Variants in ANKS1B observed in about 807,000 individuals in gnomAD.
ANKS1B encodes ankyrin repeat and sterile alpha motif domain containing 1B.
In ANKS1B, 36 loss-of-function variants were observed where a neutral mutation model predicts 148.3. The ratio of observed to expected loss-of-function variants is 0.24; its 90% confidence interval spans 0.19 to 0.32. The LOEUF is 0.32. Among genes scored for constraint, ANKS1B ranks in the 10% least tolerant of loss-of-function variants. ANKS1B has a pLI of 1.00. For synonymous variants in ANKS1B, 542 were observed against 560.8 expected (o/e 0.97, Z 0.47); for missense variants, 1,157 against 1,542.6 (o/e 0.75, Z 4.19).
chr12:99,431,503 T>C (rs563486793), intron 11 of ANKS1B, among the ~76,000 whole-genome samples: 2 of 152,236 alleles, frequency 1.3e-5, no homozygotes, highest in Non-Finnish European at 2.9e-5. Context: ...GCATCACTAG[T>C]TGTGAAATAT....
intron 9 of ANKS1B, among the ~76,000 whole-genome samples, chr12:99,577,780 G>A (rs1055030118): frequency 1.3e-5 from 2 of 151,934 alleles, no homozygotes; most frequent in Admixed American, 6.6e-5. Flanking sequence ...TGGATCCACC[G>A]CTGAATTCTA....
intron 14 of ANKS1B, among the ~76,000 whole-genome samples, chr12:99,202,351 A>G (rs575299296): frequency 2.7e-4 from 41 of 152,348 alleles, no homozygotes; most frequent in African/African-American, 9.6e-4. Context: ...CCAGTGACCT[A>G]CCATCCATAA....
chr12:99,369,781 GATAGATA>G lies in ANKS1B; in HGVS notation c.1756+29843_1756+29849del, dbSNP rs1278872058. Among the ~76,000 whole-genome samples, 169 of 146,144 alleles carry G rather than the reference GATAGATA, an allele frequency of 1.2e-3. 1 individual carries two copies. Among genetic ancestry groups the G allele is most frequent in the Non-Finnish European group, 2.0e-3 (137 of 67,164 alleles). The stretch of plus-strand genomic sequence containing the variant: ...AGATAGATAGATAGATAGATAGATA[GATAGATA>G]GATGGACGGACGGACAGACGGACGG... On this transcript the variant is annotated intron_variant, in intron 12 of 26. Transcript: ENST00000683438.
chr12:98,763,495 G>T (rs2153447792), intron 25 of ANKS1B, among the ~76,000 whole-genome samples: 1 of 152,300 alleles, frequency 6.6e-6, no homozygotes, highest in Middle Eastern at 3.4e-3. Flanking sequence ...CTAACTAAAA[G>T]AGCCACGAGA....
chr12:99,278,687 T>C (rs1351658919), intron 12 of ANKS1B, among the ~76,000 whole-genome samples: 1 of 152,178 alleles, frequency 6.6e-6, no homozygotes, highest in Non-Finnish European at 1.5e-5. Flanking sequence ...TCTGTGTATG[T>C]GATCATGTCC....
At chr12:99,369,707 TAGAA>T (rs2152461370) in intron 12 of ANKS1B, among the ~76,000 whole-genome samples, 1 of 151,560 alleles carries the variant, frequency 6.6e-6, no homozygotes, top group East Asian at 1.9e-4. Flanking sequence ...GCAAGCAAGA[TAGAA>T]AGATAGATAA....
intron 1 of ANKS1B, among the ~76,000 whole-genome samples, chr12:99,887,595 C>T (rs1020767140): frequency 6.6e-6 from 1 of 152,152 alleles, no homozygotes; most frequent in African/African-American, 2.4e-5. Flanking sequence ...ACCATATACA[C>T]ACAGAGTGAC....
chr12:99,346,354 TTCTC>T (rs774709361), intron 12 of ANKS1B, among the ~76,000 whole-genome samples: 2 of 150,872 alleles, frequency 1.3e-5, no homozygotes, highest in Non-Finnish European at 3.0e-5. Flanking sequence ...CATGTATACA[TTCTC>T]TCTCTCTTTC....
chr12:99,656,317 A>G (rs948105342), intron 8 of ANKS1B, among the ~76,000 whole-genome samples: 1 of 152,168 alleles, frequency 6.6e-6, no homozygotes, highest in Admixed American at 6.6e-5. Context: ...AAAGGTCTAT[A>G]AATAAGCAGG....
Position 98,801,691 on chromosome 12 carries a change from A to G in ANKS1B, c.3142-566T>C, listed in dbSNP as rs908552724. Among the ~76,000 whole-genome samples, 5 of 152,214 alleles carry G rather than the reference A, an allele frequency of 3.3e-5. No homozygotes were observed. The highest frequency in any genetic ancestry group is 7.3e-5 in the Non-Finnish European group (5 of 68,042). On this transcript the variant is annotated intron_variant, in intron 20 of 26. Transcript: ENST00000683438. This position sits in a 1 kb window ranked among gnomAD's most constrained non-coding sequence, Gnocchi z 5.2. ...ATCTGAATTCAATTGCACTGATTTA[A>G]TGATGCTGTCTCAGATGGATTCAGC... is the stretch of plus-strand genomic sequence containing the variant.
At position 99,253,318 on chromosome 12, in the gene ANKS1B, A is replaced by T. The variant is rs538363677; in HGVS notation, c.1757-6454T>A. On this transcript the variant is annotated intron_variant, in intron 12 of 26. Transcript: ENST00000683438. The stretch of plus-strand genomic sequence containing the variant: ...TAGAATAGCAAAGCACAGTGTTCAG[A>T]TGTGAGAGCACCACTTTGGAAGGCA... Among the ~76,000 whole-genome samples the T allele has an allele frequency of 5.9e-5, 9 of 152,244 alleles. No homozygotes were observed. In the South Asian group the frequency reaches 1.9e-3, roughly 32 times the overall value.
At chr12:99,172,149 G>A (rs1401766031) in intron 14 of ANKS1B, among the ~76,000 whole-genome samples, 2 of 152,132 alleles carry the variant, frequency 1.3e-5, no homozygotes, top group Non-Finnish European at 1.5e-5. Context: ...AGGTATGTTT[G>A]AGGAACTACA....
chr12:99,480,403 TA>T, intron 10 of ANKS1B, among the ~76,000 whole-genome samples: 1 of 152,024 alleles, frequency 6.6e-6, no homozygotes. Context: ...TTTTTTGTTT[TA>T]AAAGTCAAAA....
At chr12:99,218,162 G>C (rs2712657) in intron 14 of ANKS1B, among the ~76,000 whole-genome samples, 36,652 of 151,976 alleles carry the variant, frequency 0.24, 4,583 homozygotes, top group Non-Finnish European at 0.26. Flanking sequence ...TGGATGAAAA[G>C]ATGCTCTCCT....
intron 12 of ANKS1B, among the ~76,000 whole-genome samples, chr12:99,384,121 T>G (rs1032629987): frequency 6.6e-6 from 1 of 152,180 alleles, no homozygotes; most frequent in African/African-American, 2.4e-5. Context: ...TGCTCCCCAC[T>G]GTATTATCTG....
intron 8 of ANKS1B, among the ~76,000 whole-genome samples, chr12:99,709,817 G>T (rs951774712): frequency 6.6e-6 from 1 of 152,094 alleles, no homozygotes; most frequent in African/African-American, 2.4e-5. Context: ...GCCCCATTTA[G>T]TGATGACATC....
At chr12:99,443,522 C>A (rs973945910) in intron 11 of ANKS1B, 151 bp downstream of exon 11, 17 of 774,128 alleles carry the variant, frequency 2.2e-5, no homozygotes, top group Non-Finnish European at 3.1e-5. Flanking sequence ...TGAAAGGAAG[C>A]AAACATCCTC....
intron 1 of ANKS1B, among the ~76,000 whole-genome samples, chr12:99,882,627 C>A (rs571522533): frequency 1.3e-5 from 2 of 152,066 alleles, no homozygotes; most frequent in African/African-American, 4.8e-5. Flanking sequence ...ATATAATGGA[C>A]TATAGAGACT....
intron 9 of ANKS1B, among the ~76,000 whole-genome samples, chr12:98,737,665 T>G (rs2153349434): frequency 6.6e-6 from 1 of 152,298 alleles, no homozygotes; most frequent in African/African-American, 2.4e-5. Context: ...CATAAGGATA[T>G]CATGAGGCTG....
Sources: gnomAD v4.1 joint callset for allele counts (sites outside exome capture counted in the v4.1 genomes callset) on GRCh38, gnomAD v4.1.1 for gene constraint, Gnocchi (gnomAD v3.1) non-coding constraint, MANE v1.5 for transcripts, NCBI Gene and HGNC (gene_info 2026-07-23, HGNC 2026-07-21) for gene names.